Variants in PIWIL3 observed in about 807,000 individuals in gnomAD.
The protein encoded by PIWIL3 is piwi-like protein 3.
A neutral mutation model predicts 109.7 loss-of-function variants in PIWIL3; 101 were observed. The observed-to-expected ratio is 0.92, with a 90% CI of 0.78 to 1.09. PIWIL3 has a LOEUF of 1.09. PIWIL3 is among the 50% of genes least tolerant of loss of function. PIWIL3 has a pLI of 0.00. For missense variants in PIWIL3, 1,031 were observed against 1,072.6 expected (o/e 0.96, Z 0.54); for synonymous variants, 373 against 376.4 (o/e 0.99, Z 0.10).
At chr22:24,734,734 G>T (rs1055668748) in intron 13 of PIWIL3, among the ~76,000 whole-genome samples, 5 of 151,800 alleles carry the variant, frequency 3.3e-5, no homozygotes, top group African/African-American at 1.2e-4. Flanking sequence ...CAGGGGGAGG[G>T]GAAAAGAATT....
At chr22:24,726,186 A>C (rs1922982878) in intron 16 of PIWIL3, among the ~76,000 whole-genome samples, 5 of 152,142 alleles carry the variant, frequency 3.3e-5, no homozygotes. Context: ...GATTTGGCTC[A>C]TGATGGTCTC....
chr22:24,760,550 G>A (rs932982093), intron 2 of PIWIL3, among the ~76,000 whole-genome samples: 2 of 151,936 alleles, frequency 1.3e-5, no homozygotes, highest in African/African-American at 4.8e-5. Flanking sequence ...CACTTTGGGA[G>A]GCCGAGGCAG....
intron 12 of PIWIL3, among the ~76,000 whole-genome samples, chr22:24,743,567 G>A (rs1313655344): frequency 6.6e-6 from 1 of 152,188 alleles, no homozygotes; most frequent in Non-Finnish European, 1.5e-5. Context: ...AGTAACTCAG[G>A]AATGGAAAAC....
At chr22:24,736,863 A>T (rs903944824) in intron 12 of PIWIL3, among the ~76,000 whole-genome samples, 1 of 152,188 alleles carries the variant, frequency 6.6e-6, no homozygotes, top group Admixed American at 6.5e-5. Flanking sequence ...ATGGCCACCC[A>T]TAGGGGGAAC....
intron 12 of PIWIL3, among the ~76,000 whole-genome samples, chr22:24,745,138 A>G (rs1282670243): frequency 1.3e-5 from 2 of 152,230 alleles, no homozygotes; most frequent in African/African-American, 2.4e-5. Context: ...TCATGGGTCA[A>G]ATTAAGGAAA....
chr22:24,750,283 T>C (rs1338302831), intron 9 of PIWIL3, among the ~76,000 whole-genome samples: 3 of 152,140 alleles, frequency 2.0e-5, no homozygotes, highest in African/African-American at 7.2e-5. Flanking sequence ...TAGGCCCTTT[T>C]TCCATCTGCC....
At chr22:24,753,557 G>A (rs1421172022) in intron 8 of PIWIL3, among the ~76,000 whole-genome samples, 1 of 152,154 alleles carries the variant, frequency 6.6e-6, no homozygotes, top group East Asian at 1.9e-4. Flanking sequence ...TGAGAAGTGT[G>A]AGTCCTCAAA....
At chr22:24,765,961 C>A (rs1407249247) in intron 1 of PIWIL3, among the ~76,000 whole-genome samples, 1 of 151,688 alleles carries the variant, frequency 6.6e-6, no homozygotes, top group Non-Finnish European at 1.5e-5. Context: ...CCACATCTTT[C>A]CTCAAGTATC....
chr22:24,733,145 G>T (rs1008759761), intron 14 of PIWIL3, among the ~76,000 whole-genome samples: 1 of 152,116 alleles, frequency 6.6e-6, no homozygotes, highest in South Asian at 2.1e-4. Context: ...TTCCCTAGGG[G>T]CAATTAAAAG....
At chr22:24,730,198 C>T (rs545011415) in intron 14 of PIWIL3, among the ~76,000 whole-genome samples, 1 of 152,010 alleles carries the variant, frequency 6.6e-6, no homozygotes, top group African/African-American at 2.4e-5. Flanking sequence ...AACCCCGTCT[C>T]TACTAAAAAT....
chr22:24,743,865 AAT>A (rs1216189806), intron 12 of PIWIL3, among the ~76,000 whole-genome samples: 1 of 152,152 alleles, frequency 6.6e-6, no homozygotes, highest in African/African-American at 2.4e-5. Context: ...ACAAATTTAA[AAT>A]AGAGTTTATT....
At chr22:24,739,658 C>T (rs1018666793) in intron 12 of PIWIL3, among the ~76,000 whole-genome samples, 1 of 152,068 alleles carries the variant, frequency 6.6e-6, no homozygotes, top group African/African-American at 2.4e-5. Flanking sequence ...ATTTCATCAA[C>T]ACCAGATCTG....
intron 3 of PIWIL3, 132 bp from the exon 4 acceptor site, chr22:24,758,171 T>A: frequency 9.1e-7 from 1 of 1,100,872 alleles, no homozygotes; most frequent in Non-Finnish European, 1.3e-6. Context: ...ATTTCCGTGA[T>A]ATGTTGCCGC....
At chr22:24,761,708 G>A (rs1925448972) in intron 2 of PIWIL3, among the ~76,000 whole-genome samples, 1 of 151,980 alleles carries the variant, frequency 6.6e-6, no homozygotes, top group Non-Finnish European at 1.5e-5. Context: ...AGATGCTCAT[G>A]AGTGAGGGGA....
chr22:24,762,424 C>T lies in PIWIL3; in HGVS notation c.76G>A (p.Gly26Arg), dbSNP rs201894306. Residue 26 changes from glycine to arginine, a missense_variant, in exon 2 of 21, where the codon GGA (glycine) becomes AGA (arginine). Coordinates refer to ENST00000616349, the MANE Select transcript of PIWIL3 (RefSeq NM_001255975.1). ...GTAGCTGATCCAGGTGCTCTGGGTC[C>T]CCCAGGTGCCTCTTGTTGGTAGCTC... ...RESYQQEAPG[G>R]PRAPGSATTQ... 192 of 1,613,878 alleles carry T rather than the reference C, an allele frequency of 1.2e-4. No homozygotes were observed. The highest frequency in any genetic ancestry group is 1.6e-4 in the East Asian group (7 of 44,854).
At chr22:24,769,408 C>G (rs1925993258) in intron 1 of PIWIL3, among the ~76,000 whole-genome samples, 1 of 151,988 alleles carries the variant, frequency 6.6e-6, no homozygotes, top group Non-Finnish European at 1.5e-5. Context: ...GTCAGGAGAT[C>G]GAGACCATAC....
At position 24,749,025 on chromosome 22, in the gene PIWIL3, A is replaced by G. The variant is rs1195942423; in HGVS notation, c.1335-4T>C. The G allele has an allele frequency of 1.3e-6, 2 of 1,592,786 alleles. No individual in the cohort carries two copies. Among genetic ancestry groups the G allele is most frequent in the African/African-American group, 2.7e-5 (2 of 74,324 alleles). ...TAACTCTCGTACTTTTTTATTACTG[A>G]AAATTAAAATATTGCCAACATGATC... On this transcript the variant is annotated splice_region_variant and splice_polypyrimidine_tract_variant and intron_variant, in intron 11 of 20. Coordinates refer to ENST00000616349, the MANE Select transcript of PIWIL3 (RefSeq NM_001255975.1).
intron 16 of PIWIL3, among the ~76,000 whole-genome samples, chr22:24,725,782 C>T (rs929667886): frequency 1.3e-5 from 2 of 152,208 alleles, no homozygotes; most frequent in African/African-American, 4.8e-5. Context: ...AAGACGACTG[C>T]AGTTTCGCCT....
intron 2 of PIWIL3, 108 bp downstream of exon 2, chr22:24,762,290 C>A: frequency 6.9e-7 from 1 of 1,449,442 alleles, no homozygotes; most frequent in Non-Finnish European, 9.1e-7. Context: ...TTTATTAGTC[C>A]TCACTTAGCA....
Sources: allele counts gnomAD v4.1 joint callset (sites outside exome capture counted in the v4.1 genomes callset), GRCh38; gene constraint gnomAD v4.1.1; transcripts MANE v1.5; gene names NCBI Gene and HGNC (gene_info 2026-07-23, HGNC 2026-07-21).